PCDHA3: variants seen among roughly 807,000 people sequenced by gnomAD.
PCDHA3 encodes protocadherin alpha-3.
Under a neutral mutation model 62.2 loss-of-function variants are expected in PCDHA3, and 41 were observed. The observed-to-expected ratio is 0.66, with a 90% confidence interval of 0.51 to 0.86. PCDHA3 has a LOEUF of 0.86. PCDHA3 is among the 40% of genes least tolerant of loss of function. The pLI, the probability that PCDHA3 is intolerant of heterozygous loss-of-function variation, is 0.00. For synonymous variants in PCDHA3, 640 were observed against 555.4 expected, an observed-to-expected ratio of 1.15 and a Z score of -2.14; for missense variants, 1,304 against 1,241.2, an observed-to-expected ratio of 1.05 and a Z score of -0.76.
At chr5:140,980,307 TA>T (rs1554241617) in intron 2 of PCDHA3, among the ~76,000 whole-genome samples, 2 of 152,140 alleles carry the variant, frequency 1.3e-5, no homozygotes, top group African/African-American at 4.8e-5. Context: ...AGTTGTGCCT[TA>T]AAAACTACAT....
chr5:141,010,321 G>A lies in PCDHA3; in HGVS notation c.*384G>A. The A allele has an allele frequency of 1.3e-6, 2 of 1,541,244 alleles. No individual in the cohort carries two copies. Among genetic ancestry groups the A allele is most frequent in the South Asian group, 1.2e-5 (1 of 82,726 alleles). On this transcript the variant is annotated 3_prime_UTR_variant, in exon 4 of 4. Transcript: ENST00000522353. ...GGCTGAAAAGTTTTGAGATTGAGCA[G>A]CTTGGGAGTTTGTGGCCACTGGGTA...
intron 1 of PCDHA3, chr5:140,823,648 C>T (rs1767819943): frequency 3.7e-6 from 6 of 1,613,904 alleles, no homozygotes; most frequent in Non-Finnish European, 5.1e-6. Flanking sequence ...CCGCGTGGGG[C>T]TGTACACAGG....
At chr5:140,826,999 A>G (rs2150145975) in intron 1 of PCDHA3, among the ~76,000 whole-genome samples, 2 of 152,210 alleles carry the variant, frequency 1.3e-5, no homozygotes, top group African/African-American at 4.8e-5. Flanking sequence ...GACATGGGAA[A>G]TGCTCATGTC....
At chr5:140,843,295 G>T in intron 1 of PCDHA3, 1 of 1,595,950 alleles carries the variant, frequency 6.3e-7, no homozygotes, top group African/African-American at 1.3e-5. Flanking sequence ...GTGAACCTGC[G>T]CTGACCGCCA....
intron 1 of PCDHA3, chr5:140,928,599 T>G: frequency 6.2e-7 from 1 of 1,614,224 alleles, no homozygotes. Context: ...CAGTGGAAAT[T>G]GTGCCCCGCT....
chr5:140,801,295 A>C lies in PCDHA3; in HGVS notation c.98A>C (p.Tyr33Ser), dbSNP rs781856490. The change falls in exon 1 of 4, where the codon TAC becomes TCC. Residue 33 changes from tyrosine (Y) to serine (S), a missense_variant. Coordinates refer to ENST00000522353, the MANE Select transcript of PCDHA3 (RefSeq NM_018906.3). ...GAGGTGGGGAGCGGCCAGCTCCACT[A>C]CTCCGTCTCTGAGGAGGCCAAGCAT... ...ASEVGSGQLH[Y>S]SVSEEAKHGT... 4 of 1,613,202 alleles carry C rather than the reference A, an allele frequency of 2.5e-6. No individual in the cohort carries two copies. In the South Asian group the frequency reaches 4.4e-5, roughly 18 times the overall value.
intron 1 of PCDHA3, chr5:140,882,902 C>T (rs1554176043): frequency 6.2e-7 from 1 of 1,614,196 alleles, no homozygotes; most frequent in Admixed American, 1.7e-5. Flanking sequence ...TAGTTTATTA[C>T]TGACAGCCAG....
intron 1 of PCDHA3, among the ~76,000 whole-genome samples, chr5:140,961,630 C>A (rs1387087976): frequency 1.3e-5 from 2 of 152,136 alleles, no homozygotes; most frequent in Non-Finnish European, 2.9e-5. Context: ...ATATGAAAAA[C>A]AATCTTAAGT....
rs782328804 is a variant in PCDHA3, at chr5:140,882,548, G to A, written c.2394+78957G>A. The A allele has an allele frequency of 5.3e-5, 86 of 1,614,126 alleles. No homozygotes were observed. The highest frequency in any genetic ancestry group is 4.9e-4 in the East Asian group (22 of 44,902). ...TGTGAATTCTCGGATCGACCGCGAG[G>A]AGCTGTGTGGGCGGAGCGCGGAGTG... On this transcript the variant is annotated intron_variant, in intron 1 of 3. Transcript: ENST00000522353.
intron 3 of PCDHA3, among the ~76,000 whole-genome samples, chr5:141,006,206 AT>A (rs1178693799): frequency 1.4e-5 from 2 of 147,854 alleles, no homozygotes. Flanking sequence ...GTTATGCCTC[AT>A]TTTTTTTTAA....
At chr5:140,851,448 T>C (rs2042064678) in intron 1 of PCDHA3, 1 of 914,844 alleles carries the variant, frequency 1.1e-6, no homozygotes, top group African/African-American at 1.8e-5. Flanking sequence ...TGCTCCACTT[T>C]AGGAATCAAA....
chr5:140,953,364 G>T (rs1177357093), intron 1 of PCDHA3, among the ~76,000 whole-genome samples: 1 of 152,088 alleles, frequency 6.6e-6, no homozygotes, highest in Non-Finnish European at 1.5e-5. Flanking sequence ...TGCACTCAAG[G>T]ATTCTCTACC....
chr5:140,890,635 C>G (rs1015207309), intron 1 of PCDHA3, among the ~76,000 whole-genome samples: 1 of 152,114 alleles, frequency 6.6e-6, no homozygotes, highest in Non-Finnish European at 1.5e-5. Flanking sequence ...AAGCATGTAT[C>G]CTTGATATAT....
At chr5:140,806,009 C>G (rs1167336615) in intron 1 of PCDHA3, among the ~76,000 whole-genome samples, 1 of 152,146 alleles carries the variant, frequency 6.6e-6, no homozygotes, top group East Asian at 1.9e-4. Flanking sequence ...CACACATACT[C>G]AAATGCTTAT....
intron 1 of PCDHA3, among the ~76,000 whole-genome samples, chr5:140,964,992 A>G (rs1459979924): frequency 6.6e-6 from 1 of 152,098 alleles, no homozygotes; most frequent in Non-Finnish European, 1.5e-5. Flanking sequence ...CAGGCCTTTG[A>G]ATTCTGGGTG....
chr5:140,805,435 T>G, intron 1 of PCDHA3: 1 of 1,052,632 alleles, frequency 9.5e-7, no homozygotes, highest in Non-Finnish European at 1.1e-6. Context: ...TTGTTTTGGT[T>G]TTTGTGTGTG....
At chr5:140,933,630 C>T (rs2089281438) in intron 1 of PCDHA3, among the ~76,000 whole-genome samples, 1 of 151,952 alleles carries the variant, frequency 6.6e-6, no homozygotes, top group Admixed American at 6.6e-5. Flanking sequence ...TAGGCTGGCC[C>T]TGTTAAACAA....
At position 140,808,686 on chromosome 5, in the gene PCDHA3, G is replaced by A. The variant is rs1764236381; in HGVS notation, c.2394+5095G>A. 2.5e-6 allele frequency: 4 copies of A among 1,612,280 alleles called. No homozygotes were observed. The South Asian group carries it at 3.3e-5, about 13-fold the overall frequency. Reference sequence around the variant, plus strand: ...TACTCGCTGGTAGAGCGGCGGGTAGGGGAGCGCGCGCTGTCGAGCTACGTT... The same window carrying A: ...TACTCGCTGGTAGAGCGGCGGGTAGAGGAGCGCGCGCTGTCGAGCTACGTT... On this transcript the variant is annotated intron_variant, in intron 1 of 3. Transcript: ENST00000522353.
intron 1 of PCDHA3, chr5:140,869,210 C>A (rs781978731): frequency 1.7e-5 from 28 of 1,613,814 alleles, no homozygotes; most frequent in African/African-American, 1.5e-4. Context: ...TACTCCGTCT[C>A]GGAGGAGGCC....
Sources: gnomAD v4.1 joint callset for allele counts (sites outside exome capture counted in the v4.1 genomes callset) on GRCh38, gnomAD v4.1.1 for gene constraint, MANE v1.5 for transcripts, NCBI Gene and HGNC (gene_info 2026-07-23, HGNC 2026-07-21) for gene names.